The following PCDHA1 variants were observed in gnomAD, a reference collection of about 807,000 sequenced individuals.
PCDHA1 encodes the protein protocadherin alpha 1, also known as protocadherin alpha-1.
In PCDHA1, 42 loss-of-function variants were observed where a neutral mutation model predicts 61.3. That is an observed-to-expected ratio of 0.69 (90% CI 0.54 to 0.89). PCDHA1 has a LOEUF of 0.89. Ranked by LOEUF, PCDHA1 falls within the 40% of genes least tolerant of loss-of-function variation. PCDHA1 has a pLI of 0.00. For missense variants in PCDHA1, 1,256 were observed against 1,235.3 expected, an observed-to-expected ratio of 1.02 and a Z score of -0.25; for synonymous variants, 610 against 553.8, an observed-to-expected ratio of 1.10 and a Z score of -1.43.
Position 140,843,438 on chromosome 5 carries a change from C to A in PCDHA1, c.2394+54754C>A, listed in dbSNP as rs2150359947. 1.3e-4 allele frequency: 208 copies of A among 1,596,096 alleles called. 21 individuals are homozygous for A. The South Asian group carries it at 1.5e-3, about 11-fold the overall frequency. Reference sequence around the variant, plus strand: ...GTGTACCTGATCATCGCCATCTGCGCGGTATCCAGCCTGCTGGTGCTCACG... The same window carrying A: ...GTGTACCTGATCATCGCCATCTGCGAGGTATCCAGCCTGCTGGTGCTCACG... On this transcript the variant is annotated intron_variant, in intron 1 of 3. Transcript: ENST00000504120.
chr5:140,876,154 A>C, intron 1 of PCDHA1: 2 of 1,613,972 alleles, frequency 1.2e-6, no homozygotes, highest in Non-Finnish European at 1.7e-6. Flanking sequence ...GTCTGTCCAG[A>C]TTCAAATAAC....
Position 140,870,112 on chromosome 5 carries a change from G to T in PCDHA1, c.2394+81428G>T, listed in dbSNP as rs781902121. ...AATGGCAGGTCACTGTACAGTCTGG[G>T]TGGAAATCTTGGACACCAACGATAA... On this transcript the variant is annotated intron_variant, in intron 1 of 3. Transcript: ENST00000504120. 2 of 1,613,938 alleles carry T rather than the reference G, an allele frequency of 1.2e-6. No homozygotes were observed. The highest frequency in any genetic ancestry group is 2.2e-5 in the South Asian group (2 of 91,080).
intron 1 of PCDHA1, chr5:140,796,794 G>C: frequency 1.2e-6 from 2 of 1,614,142 alleles, no homozygotes; most frequent in Non-Finnish European, 1.7e-6. Flanking sequence ...TTTCGTACGA[G>C]CTTCAGCTGG....
chr5:140,883,685 C>T (rs782100865), intron 1 of PCDHA1: 50 of 1,613,734 alleles, frequency 3.1e-5, no homozygotes, highest in Non-Finnish European at 3.7e-5. Context: ...GCCGGGCTGC[C>T]ACATCTTCAC....
chr5:140,797,213 A>G (rs1173787059), intron 1 of PCDHA1: 6 of 1,614,066 alleles, frequency 3.7e-6, no homozygotes, highest in Non-Finnish European at 5.1e-6. Context: ...AGCTGGTCTT[A>G]CTCGCAGCAG....
At chr5:140,857,933 G>A (rs1554150890) in intron 1 of PCDHA1, 2 of 1,597,790 alleles carry the variant, frequency 1.3e-6, no homozygotes, top group Admixed American at 1.7e-5. Context: ...GTACACGGGC[G>A]AGATCAGTAC....
At chr5:140,950,006 G>A (rs2094439907) in intron 1 of PCDHA1, among the ~76,000 whole-genome samples, 1 of 151,676 alleles carries the variant, frequency 6.6e-6, no homozygotes, top group African/African-American at 2.4e-5. Context: ...ACTTAATAGT[G>A]TACAACCTTC....
At chr5:140,851,008 T>C in intron 1 of PCDHA1, 2 of 1,437,046 alleles carry the variant, frequency 1.4e-6, no homozygotes, top group East Asian at 4.8e-5. Flanking sequence ...CAGCAGATTT[T>C]TTTTCTGATA....
intron 1 of PCDHA1, chr5:140,823,118 A>T: frequency 6.2e-7 from 1 of 1,614,030 alleles, no homozygotes; most frequent in Non-Finnish European, 8.5e-7. Flanking sequence ...GCCGACGTGA[A>T]CGACAACGCT....
chr5:140,803,330 G>C, intron 1 of PCDHA1: 2 of 1,614,190 alleles, frequency 1.2e-6, no homozygotes, highest in Non-Finnish European at 1.7e-6. Flanking sequence ...CCAGTCTGTT[G>C]GTGCTCACAC....
intron 3 of PCDHA1, among the ~76,000 whole-genome samples, chr5:140,984,610 G>A (rs2097110934): frequency 6.6e-6 from 1 of 152,188 alleles, no homozygotes; most frequent in African/African-American, 2.4e-5. Flanking sequence ...CTCTGCATCA[G>A]TGGTGTAAAG....
rs576672695 is a variant in PCDHA1, at chr5:140,976,134, A to G, written c.2395-2815A>G. On this transcript the variant is annotated intron_variant, in intron 1 of 3. Transcript: ENST00000504120. ...TTTTCCAAGTTTAATCAAGTTCTGG[A>G]TGAAACTCATGTACATTTTACTACT... Among the ~76,000 whole-genome samples the G allele has an allele frequency of 2.0e-5, 3 of 152,348 alleles. No homozygotes were observed. In the East Asian group the frequency reaches 5.8e-4, roughly 29 times the overall value.
chr5:140,888,129 A>G (rs2061706592), intron 1 of PCDHA1, among the ~76,000 whole-genome samples: 2 of 152,024 alleles, frequency 1.3e-5, no homozygotes, highest in Admixed American at 1.3e-4. Flanking sequence ...CTATGGATAT[A>G]TTTTCTTGCT....
At chr5:140,937,332 C>A (rs1003482242) in intron 1 of PCDHA1, among the ~76,000 whole-genome samples, 1 of 152,094 alleles carries the variant, frequency 6.6e-6, no homozygotes, top group Non-Finnish European at 1.5e-5. Flanking sequence ...CCACCGCGCC[C>A]GGCTTCTTCC....
Position 140,934,368 on chromosome 5 carries a change from CCTT to C in PCDHA1, c.2395-44578_2395-44576del, listed in dbSNP as rs1168343483. Among the ~76,000 whole-genome samples, 5 of 152,220 alleles carry C rather than the reference CCTT, an allele frequency of 3.3e-5. No homozygotes were observed. In the South Asian group the frequency reaches 1.0e-3, roughly 32 times the overall value. On this transcript the variant is annotated intron_variant, in intron 1 of 3. Transcript: ENST00000504120. ...ACAGTGTGGAGCCACTGCTTTGACT[CCTT>C]CTGTGGTTCTATGGTGGCCAGCTTT...
chr5:140,963,770 C>T (rs1296794666), intron 1 of PCDHA1, among the ~76,000 whole-genome samples: 2 of 152,176 alleles, frequency 1.3e-5, no homozygotes, highest in Non-Finnish European at 2.9e-5. Context: ...TATTTCATGA[C>T]GACAGCAACA....
At chr5:140,922,139 C>A (rs2080663133) in intron 1 of PCDHA1, among the ~76,000 whole-genome samples, 1 of 151,854 alleles carries the variant, frequency 6.6e-6, no homozygotes, top group Non-Finnish European at 1.5e-5. Flanking sequence ...TCTTATCCTC[C>A]ATGAAACTCA....
At chr5:140,902,038 A>G (rs900077287) in intron 1 of PCDHA1, among the ~76,000 whole-genome samples, 13 of 152,040 alleles carry the variant, frequency 8.6e-5, no homozygotes, top group African/African-American at 2.9e-4. Context: ...TAATTTTTGT[A>G]TGTTGATTTT....
chr5:140,797,923 G>C (rs965065804), intron 1 of PCDHA1, among the ~76,000 whole-genome samples: 1 of 152,146 alleles, frequency 6.6e-6, no homozygotes, highest in Admixed American at 6.5e-5. Context: ...TGTGATCTCA[G>C]CTCACTATAA....
Sources: allele counts gnomAD v4.1 joint callset (sites outside exome capture counted in the v4.1 genomes callset), GRCh38; gene constraint gnomAD v4.1.1; transcripts MANE v1.5; gene names NCBI Gene and HGNC (gene_info 2026-07-23, HGNC 2026-07-21).